The following GALNT2 variants were observed in gnomAD, a reference collection of about 807,000 sequenced individuals.
GALNT2 encodes the protein UDP-GalNAc:polypeptide N-acetylgalactosaminyltransferase 2.
GALNT2 carries 31 observed loss-of-function variants against 81.4 expected under a neutral mutation model. The observed-to-expected ratio is 0.38, with a 90% CI of 0.29 to 0.51. The LOEUF (loss-of-function observed/expected upper bound fraction) is 0.51. Among genes scored for constraint, GALNT2 ranks in the 20% least tolerant of loss-of-function variants. GALNT2 has a pLI of 0.87. For missense variants in GALNT2, 629 were observed against 765.7 expected, an observed-to-expected ratio of 0.82 and a Z score of 2.11; for synonymous variants, 303 against 287.4, an observed-to-expected ratio of 1.05 and a Z score of -0.55.
chr1:230,145,211 C>A (rs1161134844), intron 1 of GALNT2, among the ~76,000 whole-genome samples: 1 of 152,156 alleles, frequency 6.6e-6, no homozygotes, highest in African/African-American at 2.4e-5. Context: ...CTCAGATCGC[C>A]CCCTGTGTTG....
chr1:230,223,500 ACT>A (rs1332852081), intron 3 of GALNT2, among the ~76,000 whole-genome samples: 2 of 151,062 alleles, frequency 1.3e-5, no homozygotes, highest in Non-Finnish European at 2.9e-5. Flanking sequence ...ATGGAGTCTT[ACT>A]CTGTCACCCA....
intron 3 of GALNT2, among the ~76,000 whole-genome samples, chr1:230,209,559 G>T (rs1013155793): frequency 2.0e-5 from 3 of 152,202 alleles, no homozygotes; most frequent in African/African-American, 7.2e-5. Flanking sequence ...ATCTATTGTT[G>T]GGCCAGGTGC....
At chr1:230,260,025 A>G (rs1238154024) in intron 11 of GALNT2, among the ~76,000 whole-genome samples, 2 of 152,224 alleles carry the variant, frequency 1.3e-5, no homozygotes, top group Non-Finnish European at 2.9e-5. Context: ...TAGAAGTTAG[A>G]TGGAGTCAGT....
rs1378481656 is a variant in GALNT2, at chr1:230,280,405, T to C, written c.*947T>C. On this transcript the variant is annotated 3_prime_UTR_variant, in exon 16 of 16. Transcript: ENST00000366672. The stretch of plus-strand genomic sequence containing the variant: ...GAGCGGTTACTTATTTTGACAGATA[T>C]CACTTTGGGTCTTTTTACATTAAAT... 5.7e-5 allele frequency: 11 copies of C among 192,050 alleles called. No individual in the cohort carries two copies. Among genetic ancestry groups the C allele is most frequent in the Admixed American group, 3.7e-4 (7 of 19,034 alleles). 11.9% of individuals were successfully genotyped at this position (192,050 alleles called of 1,614,324 possible). A position where few individuals can be genotyped will look rare whatever the true frequency, so the allele number is the denominator to read the frequency against.
intron 1 of GALNT2, among the ~76,000 whole-genome samples, chr1:230,128,405 C>T (rs1218702894): frequency 1.3e-5 from 2 of 152,084 alleles, no homozygotes; most frequent in Non-Finnish European, 2.9e-5. Context: ...GGCTCTGCCT[C>T]TTCCCCGAAG....
intron 1 of GALNT2, among the ~76,000 whole-genome samples, chr1:230,080,778 A>G (rs997531655): frequency 2.6e-5 from 4 of 152,222 alleles, no homozygotes; most frequent in African/African-American, 9.6e-5. Flanking sequence ...TCAGTGCCTC[A>G]GTTTCCCCAT....
At chr1:230,057,924 C>A (rs549403759), upstream of GALNT2, 3 of 421,414 alleles carry the variant, frequency 7.1e-6, no homozygotes, top group East Asian at 2.2e-4. Context: ...TAAGTGTCGT[C>A]CGGGGCTAGG....
intron 1 of GALNT2, among the ~76,000 whole-genome samples, chr1:230,113,506 G>A (rs1209850575): frequency 6.6e-6 from 1 of 152,160 alleles, no homozygotes; most frequent in African/African-American, 2.4e-5. Context: ...GCTGGGGCAA[G>A]AAGCCTGCAT....
chr1:230,090,346 C>T (rs370396155), intron 1 of GALNT2, among the ~76,000 whole-genome samples: 12 of 152,244 alleles, frequency 7.9e-5, no homozygotes, highest in South Asian at 4.2e-4. Context: ...TAAACATAAC[C>T]GTGTCTTCCA....
chr1:230,211,798 T>C (rs4846933), intron 3 of GALNT2, among the ~76,000 whole-genome samples: 16,538 of 152,140 alleles, frequency 0.11, 1,853 homozygotes, highest in East Asian at 0.57. Flanking sequence ...TTATTTACTC[T>C]GCATCACACT....
chr1:230,137,725 C>CT (rs1661596015), intron 1 of GALNT2, among the ~76,000 whole-genome samples: 2 of 152,168 alleles, frequency 1.3e-5, no homozygotes, highest in Non-Finnish European at 2.9e-5. Flanking sequence ...TAGATTGCAA[C>CT]CTGGTTTAGC....
At chr1:230,108,326 CA>C (rs1660602601) in intron 1 of GALNT2, among the ~76,000 whole-genome samples, 1 of 152,228 alleles carries the variant, frequency 6.6e-6, no homozygotes, top group Non-Finnish European at 1.5e-5. Flanking sequence ...TACACTTTTT[CA>C]ACTTTACGAT....
intron 8 of GALNT2, among the ~76,000 whole-genome samples, chr1:230,248,147 T>C (rs1447560720): frequency 6.6e-6 from 1 of 152,212 alleles, no homozygotes; most frequent in Non-Finnish European, 1.5e-5. Context: ...CCATAAATTC[T>C]TGGCCAGCCC....
rs58105454 is a variant in GALNT2, at chr1:230,061,192, ATGTGTGTGTG to A, written n.89+3138_89+3147del. On this transcript the variant is annotated intron_variant and non_coding_transcript_variant, in intron 1 of 6. Transcript: ENST00000494106. ...TAAATATGCATACATATGAGCATAG[ATGTGTGTGTG>A]TGTGTGTGTGTGTGTGTGTGTGTCT... Among the ~76,000 whole-genome samples, 213 of 148,926 alleles carry A rather than the reference ATGTGTGTGTG, an allele frequency of 1.4e-3. 2 individuals are homozygous for A. The highest frequency in any genetic ancestry group is 0.012 in the Admixed American group (184 of 14,950).
chr1:230,220,547 T>C (rs1664516254), intron 3 of GALNT2, among the ~76,000 whole-genome samples: 1 of 152,006 alleles, frequency 6.6e-6, no homozygotes. Flanking sequence ...GCGTAGCTCC[T>C]GGTAGGCTTT....
intron 1 of GALNT2, chr1:230,091,472 G>A (rs149076579): frequency 3.5e-4 from 53 of 152,158 alleles, no homozygotes; most frequent in African/African-American, 1.3e-3. Context: ...TTGATGCATC[G>A]GCCTTCTCGT....
At chr1:230,149,576 G>A (rs1324491213) in intron 1 of GALNT2, among the ~76,000 whole-genome samples, 3 of 152,114 alleles carry the variant, frequency 2.0e-5, no homozygotes, top group Admixed American at 1.3e-4. Flanking sequence ...GCGGTTGAGG[G>A]ACCTTAGATT....
chr1:230,059,631 C>T (rs1658996649), intron 1 of GALNT2, among the ~76,000 whole-genome samples: 1 of 152,178 alleles, frequency 6.6e-6, no homozygotes, highest in South Asian at 2.1e-4. Flanking sequence ...TTTATCTAAT[C>T]AGCAGAATGA....
rs188924472 is a variant in GALNT2, at chr1:230,225,142, G to T, written c.375-10872G>T. ...GACTAATCAGAAATTAGTGGATTTG[G>T]TGGAATATTATGCCATTATGACTGT... is the stretch of plus-strand genomic sequence containing the variant. On this transcript the variant is annotated intron_variant, in intron 3 of 15. Transcript: ENST00000366672. Among the ~76,000 whole-genome samples, 311 of 152,310 alleles carry T rather than the reference G, an allele frequency of 2.0e-3. 3 individuals carry two copies. The highest frequency in any genetic ancestry group is 0.01 in the Middle Eastern group (3 of 294).
Sources: allele counts gnomAD v4.1 joint callset (sites outside exome capture counted in the v4.1 genomes callset), GRCh38; gene constraint gnomAD v4.1.1; transcripts MANE v1.5; gene names NCBI Gene and HGNC (gene_info 2026-07-23, HGNC 2026-07-21).